HS6ST2: variants seen among roughly 807,000 people sequenced by gnomAD.
HS6ST2 encodes the protein heparan sulfate 6-O-sulfotransferase 2.
In HS6ST2, 17 loss-of-function variants were observed where a neutral mutation model predicts 33.0. The observed-to-expected ratio is 0.52, with a 90% confidence interval of 0.35 to 0.77. HS6ST2 has a LOEUF of 0.77. Among genes scored for constraint, HS6ST2 ranks in the 30% least tolerant of loss-of-function variants. The pLI is 0.01. For synonymous variants in HS6ST2, 248 were observed against 237.1 expected (o/e 1.05, Z -0.42); for missense variants, 519 against 551.7 (o/e 0.94, Z 0.59).
intron 4 of HS6ST2, among the ~76,000 whole-genome samples, chrX:132,634,082 G>T (rs1258749834): frequency 8.9e-6 from 1 of 112,179 alleles, no homozygotes; most frequent in Non-Finnish European, 1.9e-5. Flanking sequence ...TGTATTTGTG[G>T]CCCTGTTTAA....
chrX:132,768,792 A>T (rs2064872058), intron 2 of HS6ST2, among the ~76,000 whole-genome samples: 1 of 112,536 alleles, frequency 8.9e-6, no homozygotes, highest in Non-Finnish European at 1.9e-5. Flanking sequence ...GAACATACTG[A>T]GTTTTCTTTC....
intron 2 of HS6ST2, among the ~76,000 whole-genome samples, chrX:132,709,842 A>ACACACACACACAC (rs1192149253): frequency 2.0e-4 from 2 of 10,199 alleles, no homozygotes; most frequent in East Asian, 4.7e-3. Context: ...CACACACACA[A>ACACACACACACAC]GAAAATATTT....
intron 2 of HS6ST2, among the ~76,000 whole-genome samples, chrX:132,833,589 A>G (rs775412705): frequency 6.2e-4 from 69 of 110,985 alleles, no homozygotes; most frequent in Non-Finnish European, 1.2e-3. Context: ...AGCCAGAAGC[A>G]CACAGCAATT....
intron 2 of HS6ST2, among the ~76,000 whole-genome samples, chrX:132,881,716 T>C (rs1428877415): frequency 9.0e-6 from 1 of 111,436 alleles, no homozygotes; most frequent in Non-Finnish European, 1.9e-5. Context: ...ATGTCCTGAA[T>C]GGTATTGTCT....
At chrX:132,903,366 C>T (rs2066443048) in intron 2 of HS6ST2, among the ~76,000 whole-genome samples, 1 of 111,829 alleles carries the variant, frequency 8.9e-6, no homozygotes, top group African/African-American at 3.2e-5. Context: ...CATGACAATA[C>T]TCCCCTAATT....
chrX:132,867,658 A>C (rs1488385420), intron 2 of HS6ST2, among the ~76,000 whole-genome samples: 1 of 111,440 alleles, frequency 9.0e-6, no homozygotes, highest in Non-Finnish European at 1.9e-5. Flanking sequence ...AACAATTTTC[A>C]ACCCAGAATT....
chrX:132,786,571 T>G (rs761848237), intron 2 of HS6ST2, among the ~76,000 whole-genome samples: 9 of 111,403 alleles, frequency 8.1e-5, no homozygotes, highest in Non-Finnish European at 1.1e-4. Context: ...AGCTGCATCT[T>G]TAATCCTTGT....
At chrX:132,897,803 G>T (rs1176683424) in intron 2 of HS6ST2, among the ~76,000 whole-genome samples, 1 of 111,347 alleles carries the variant, frequency 9.0e-6, no homozygotes, top group Non-Finnish European at 1.9e-5. Flanking sequence ...TCATCATTTT[G>T]GACCTAGGGC....
At chrX:132,776,453 T>C (rs1328983747) in intron 2 of HS6ST2, among the ~76,000 whole-genome samples, 4 of 112,003 alleles carry the variant, frequency 3.6e-5, no homozygotes, top group Non-Finnish European at 1.9e-5. Flanking sequence ...ACATGAGCGA[T>C]GTGATGTCTA....
At chrX:132,839,070 A>C (rs774924355) in intron 2 of HS6ST2, among the ~76,000 whole-genome samples, 1 of 77,244 alleles carries the variant, frequency 1.3e-5, no homozygotes, top group African/African-American at 5.5e-5. Context: ...AACAGTATGA[A>C]GATTCCTCAA....
At chrX:132,653,203 C>T (rs1326217487) in intron 4 of HS6ST2, among the ~76,000 whole-genome samples, 1 of 111,671 alleles carries the variant, frequency 9.0e-6, no homozygotes, top group African/African-American at 3.3e-5. Context: ...CTCCACTTTT[C>T]TGCTTTCTGC....
intron 2 of HS6ST2, among the ~76,000 whole-genome samples, chrX:132,838,978 A>AC (rs1345422001): frequency 9.3e-6 from 1 of 107,074 alleles, no homozygotes; most frequent in African/African-American, 3.4e-5. Flanking sequence ...AAAAAAAAAA[A>AC]CAGATGTTGG....
chrX:132,778,240 G>A (rs1322755458), intron 2 of HS6ST2, among the ~76,000 whole-genome samples: 2 of 112,191 alleles, frequency 1.8e-5, no homozygotes, highest in Non-Finnish European at 1.9e-5. Flanking sequence ...TGTTCTATAA[G>A]TTCTTTAAAT....
intron 2 of HS6ST2, among the ~76,000 whole-genome samples, chrX:132,774,988 C>T (rs1003789671): frequency 9.0e-6 from 1 of 110,981 alleles, no homozygotes; most frequent in Non-Finnish European, 1.9e-5. Flanking sequence ...GCCCAAAGTA[C>T]CGTTTTCTTC....
intron 2 of HS6ST2, among the ~76,000 whole-genome samples, chrX:132,809,439 T>C (rs2065318113): frequency 8.9e-6 from 1 of 111,774 alleles, no homozygotes; most frequent in Non-Finnish European, 1.9e-5. Flanking sequence ...AACAAATACG[T>C]TTTGAGTACT....
chrX:132,805,453 C>T (rs2065272512), intron 2 of HS6ST2, among the ~76,000 whole-genome samples: 1 of 104,137 alleles, frequency 9.6e-6, no homozygotes, highest in South Asian at 3.9e-4. Context: ...CCCCTTGGGG[C>T]AAACCAGTCT....
rs754305757 is a variant in HS6ST2, at chrX:132,897,325, T to C, written c.947+59483A>G. 1.9e-4 allele frequency among the ~76,000 whole-genome samples: 21 copies of C among 110,569 alleles called. No individual in the cohort carries two copies. In the South Asian group the frequency reaches 7.9e-3, roughly 41 times the overall value. On this transcript the variant is annotated intron_variant, in intron 2 of 4. Coordinates refer to ENST00000370833, the MANE Select transcript of HS6ST2 (RefSeq NM_001394073.1). The stretch of plus-strand genomic sequence containing the variant: ...TGGTCAGTGCTAAATAATGCCGAGA[T>C]TGATTTGGAAGAACAGGAAATCCCA...
intron 3 of HS6ST2, among the ~76,000 whole-genome samples, chrX:132,673,412 G>T (rs2063899215): frequency 8.9e-6 from 1 of 112,392 alleles, no homozygotes; most frequent in Non-Finnish European, 1.9e-5. Flanking sequence ...GGGAGAATTG[G>T]ACTCCAGTCA....
intron 2 of HS6ST2, among the ~76,000 whole-genome samples, chrX:132,880,626 CTTT>C (rs755907518): frequency 9.9e-6 from 1 of 100,526 alleles, no homozygotes; most frequent in East Asian, 3.1e-4. Flanking sequence ...CTTTTTTTTT[CTTT>C]TTTTTTTTAT....
Sources: gnomAD v4.1 joint callset for allele counts (sites outside exome capture counted in the v4.1 genomes callset) on GRCh38, gnomAD v4.1.1 for gene constraint, MANE v1.5 for transcripts, NCBI Gene and HGNC (gene_info 2026-07-23, HGNC 2026-07-21) for gene names.